Variants in IQCB1 observed in about 807,000 individuals in gnomAD.
The protein encoded by IQCB1 is IQ motif containing B1, also known as IQ calmodulin-binding motif-containing protein 1.
IQCB1 carries 56 observed loss-of-function variants against 84.4 expected under a neutral mutation model. That is an observed-to-expected ratio of 0.66 (90% CI 0.54 to 0.83). The LOEUF (loss-of-function observed/expected upper bound fraction) is 0.83. IQCB1 is among the 40% of genes least tolerant of loss of function. The probability of loss-of-function intolerance (pLI) is 0.00; values close to 1 mark genes in which losing one functional copy is unlikely to be tolerated. For synonymous variants in IQCB1, 210 were observed against 234.8 expected (o/e 0.89, Z 0.96); for missense variants, 629 against 682.1 (o/e 0.92, Z 0.87).
intron 5 of IQCB1, among the ~76,000 whole-genome samples, chr3:121,824,048 A>G (rs567226157): frequency 5.9e-5 from 9 of 152,328 alleles, no homozygotes; most frequent in Admixed American, 2.0e-4. Context: ...TTGTCAGACT[A>G]GATGAAAAAG....
chr3:121,795,327 A>G, intron 10 of IQCB1, 130 bp downstream of exon 10: 1 of 702,106 alleles, frequency 1.4e-6, no homozygotes, highest in East Asian at 2.7e-5. Flanking sequence ...GTACCCAGAA[A>G]CGTATGGAAA....
intron 10 of IQCB1, 88 bp from the exon 11 acceptor site, chr3:121,790,303 A>C (rs1948914958): frequency 1.6e-6 from 2 of 1,248,028 alleles, no homozygotes; most frequent in Middle Eastern, 2.1e-4. Flanking sequence ...AAATGTAAAC[A>C]GAAAAAATTT....
chr3:121,821,822 A>T (rs1950286084), intron 5 of IQCB1, among the ~76,000 whole-genome samples: 1 of 152,240 alleles, frequency 6.6e-6, no homozygotes, highest in Non-Finnish European at 1.5e-5. Flanking sequence ...ACTGAAATCT[A>T]AATTTATCTT....
intron 7 of IQCB1, among the ~76,000 whole-genome samples, chr3:121,801,592 T>C (rs1019653433): frequency 6.6e-6 from 1 of 152,062 alleles, no homozygotes; most frequent in Non-Finnish European, 1.5e-5. Flanking sequence ...ATATAATTGA[T>C]ATACAACAAA....
At chr3:121,797,323 T>C (rs1399639437) in intron 8 of IQCB1, 96 bp from the exon 9 acceptor site, 6 of 598,978 alleles carry the variant, frequency 1.0e-5, no homozygotes, top group Non-Finnish European at 1.7e-5. Context: ...AAAGTCTGGC[T>C]TAAAAACAAA....
At chr3:121,793,198 G>A (rs1007961726) in intron 10 of IQCB1, among the ~76,000 whole-genome samples, 1 of 152,172 alleles carries the variant, frequency 6.6e-6, no homozygotes, top group African/African-American at 2.4e-5. Flanking sequence ...TAAATTGTGA[G>A]GTTTCTCTAA....
intron 13 of IQCB1, among the ~76,000 whole-genome samples, chr3:121,776,238 T>A (rs1230211524): frequency 1.3e-5 from 2 of 152,108 alleles, no homozygotes; most frequent in Admixed American, 6.5e-5. Context: ...GATTCATCCA[T>A]GTTGTTGAGA....
At chr3:121,781,664 A>AC in intron 13 of IQCB1, 79 bp downstream of exon 13, 7 of 964,216 alleles carry the variant, frequency 7.3e-6, no homozygotes, top group Non-Finnish European at 9.4e-6. Flanking sequence ...CACACACACA[A>AC]TATATGTGTG....
chr3:121,787,383 A>G (rs1051845337), intron 12 of IQCB1, among the ~76,000 whole-genome samples: 6 of 152,214 alleles, frequency 3.9e-5, no homozygotes, highest in Non-Finnish European at 5.9e-5. Flanking sequence ...TAAATTTAAA[A>G]AACCACCTCG....
intron 11 of IQCB1, 71 bp downstream of exon 11, chr3:121,790,002 G>C: frequency 7.6e-7 from 1 of 1,318,450 alleles, no homozygotes; most frequent in Non-Finnish European, 1.1e-6. Flanking sequence ...TCATCACGTA[G>C]CTAGAAAAGT....
chr3:121,787,863 A>G (rs979430984), intron 12 of IQCB1, among the ~76,000 whole-genome samples: 5 of 152,240 alleles, frequency 3.3e-5, no homozygotes, highest in Non-Finnish European at 2.9e-5. Flanking sequence ...ACTTGCACAG[A>G]ACTTTGTAAT....
intron 2 of IQCB1, among the ~76,000 whole-genome samples, chr3:121,830,572 A>G (rs2108647876): frequency 6.6e-6 from 1 of 152,336 alleles, no homozygotes; most frequent in African/African-American, 2.4e-5. Flanking sequence ...GCTATGAAGT[A>G]GATAGAGCGT....
At chr3:121,779,301 A>C (rs1012567668) in intron 13 of IQCB1, among the ~76,000 whole-genome samples, 7 of 152,078 alleles carry the variant, frequency 4.6e-5, no homozygotes, top group Non-Finnish European at 8.8e-5. Flanking sequence ...CCCACAGCTC[A>C]GTAATGGTCT....
chr3:121,809,904 A>G (rs1949760099), intron 5 of IQCB1, among the ~76,000 whole-genome samples: 1 of 151,756 alleles, frequency 6.6e-6, no homozygotes, highest in Non-Finnish European at 1.5e-5. Context: ...CTAATATCCT[A>G]GGAATATTCT....
At chr3:121,798,566 A>G (rs528866156) in intron 8 of IQCB1, among the ~76,000 whole-genome samples, 9 of 152,100 alleles carry the variant, frequency 5.9e-5, no homozygotes, top group Admixed American at 2.0e-4. Context: ...AAGGATAAGA[A>G]TATCTATCCC....
intron 2 of IQCB1, among the ~76,000 whole-genome samples, chr3:121,830,857 CCTGGAAGGAATG>C (rs760822441): frequency 5.3e-5 from 8 of 152,236 alleles, no homozygotes; most frequent in Non-Finnish European, 1.0e-4. Context: ...TGCCCTATAT[CCTGGAAGGAATG>C]CTGAACAGAG....
At chr3:121,801,383 T>C (rs1949399722) in intron 7 of IQCB1, among the ~76,000 whole-genome samples, 1 of 152,044 alleles carries the variant, frequency 6.6e-6, no homozygotes, top group African/African-American at 2.4e-5. Flanking sequence ...CATGTTGAAC[T>C]ACCTATACTC....
At chr3:121,778,426 A>G (rs1206698086) in intron 13 of IQCB1, among the ~76,000 whole-genome samples, 1 of 152,212 alleles carries the variant, frequency 6.6e-6, no homozygotes. Context: ...AAAAGAATTT[A>G]ACATTTCTGC....
intron 6 of IQCB1, among the ~76,000 whole-genome samples, chr3:121,808,465 A>C (rs1949692333): frequency 6.6e-6 from 1 of 151,960 alleles, no homozygotes; most frequent in South Asian, 2.1e-4. Flanking sequence ...GAAATATCCT[A>C]TAACTTCCAA....
Sources: gnomAD v4.1 joint callset for allele counts (sites outside exome capture counted in the v4.1 genomes callset) on GRCh38, gnomAD v4.1.1 for gene constraint, MANE v1.5 for transcripts, NCBI Gene and HGNC (gene_info 2026-07-23, HGNC 2026-07-21) for gene names.